The following NCOR1 variants were observed in gnomAD, a reference collection of about 807,000 sequenced individuals.
NCOR1 encodes the protein nuclear receptor corepressor 1, also known as protein phosphatase 1, regulatory subunit 109.
Under a neutral mutation model 288.1 loss-of-function variants are expected in NCOR1, and 63 were observed. The ratio of observed to expected loss-of-function variants is 0.22; its 90% CI spans 0.18 to 0.27. The LOEUF is 0.27. NCOR1 is among the 10% of genes least tolerant of loss of function. The pLI, the probability that NCOR1 is intolerant of heterozygous loss-of-function variation, is 1.00. For missense variants in NCOR1, 2,397 were observed against 3,019.2 expected (o/e 0.79, Z 4.83); for synonymous variants, 1,007 against 1,065.9 (o/e 0.94, Z 1.08).
intron 45 of NCOR1, among the ~76,000 whole-genome samples, chr17:16,032,712 A>T (rs1363112628): frequency 6.6e-6 from 1 of 152,244 alleles, no homozygotes; most frequent in Non-Finnish European, 1.5e-5. Flanking sequence ...TGAGTAGCAT[A>T]TGAGTGAGGG....
At chr17:16,140,547 C>CT (rs1243671958) in intron 11 of NCOR1, among the ~76,000 whole-genome samples, 75 of 152,128 alleles carry the variant, frequency 4.9e-4, no homozygotes, top group Admixed American at 4.7e-3. Context: ...GGTGGGGTGG[C>CT]TCACACCTGT....
At chr17:16,178,992 T>C (rs1468399444) in intron 3 of NCOR1, among the ~76,000 whole-genome samples, 1 of 151,938 alleles carries the variant, frequency 6.6e-6, no homozygotes, top group African/African-American at 2.4e-5. Flanking sequence ...CAGTTCCAGC[T>C]AATCGGAGGC....
intron 6 of NCOR1, among the ~76,000 whole-genome samples, chr17:16,155,500 C>T (rs1379829839): frequency 6.6e-6 from 1 of 152,024 alleles, no homozygotes; most frequent in Admixed American, 6.5e-5. Context: ...TTGGAACTTA[C>T]AACTGATAGG....
chr17:16,098,174 A>G (rs1466458940), intron 21 of NCOR1, among the ~76,000 whole-genome samples, 193 bp downstream of exon 21: 1 of 152,242 alleles, frequency 6.6e-6, no homozygotes, highest in Admixed American at 6.5e-5. Context: ...ATCATTTTCT[A>G]AACAATGTCA....
At chr17:16,059,920 A>G (rs2060362911) in intron 37 of NCOR1, among the ~76,000 whole-genome samples, 1 of 152,224 alleles carries the variant, frequency 6.6e-6, no homozygotes, top group South Asian at 2.1e-4. Flanking sequence ...TTGAGAAACT[A>G]AAATAAATCA....
At chr17:16,140,769 G>A (rs985944793) in intron 11 of NCOR1, among the ~76,000 whole-genome samples, 18 of 152,032 alleles carry the variant, frequency 1.2e-4, no homozygotes, top group Admixed American at 2.0e-4. Context: ...AGCCAAGATC[G>A]TGCCACTGCA....
chr17:16,127,743 GGA>G (rs1475082005), intron 14 of NCOR1, among the ~76,000 whole-genome samples: 1 of 103,618 alleles, frequency 9.7e-6, no homozygotes, highest in African/African-American at 3.5e-5. Flanking sequence ...ATATATGTGT[GGA>G]GATATATATA....
intron 6 of NCOR1, among the ~76,000 whole-genome samples, chr17:16,154,593 A>G (rs1475332403): frequency 6.6e-6 from 1 of 152,208 alleles, no homozygotes; most frequent in Non-Finnish European, 1.5e-5. Context: ...TAACAAGGGA[A>G]CATCCAAAAC....
chr17:16,198,958 G>A (rs12453413), intron 1 of NCOR1, among the ~76,000 whole-genome samples: 2 of 151,774 alleles, frequency 1.3e-5, no homozygotes, highest in African/African-American at 4.8e-5. Context: ...TAAATGATTA[G>A]AAACCCATGA....
intron 41 of NCOR1, among the ~76,000 whole-genome samples, chr17:16,048,291 G>A (rs542846851): frequency 1.5e-4 from 23 of 152,268 alleles, no homozygotes; most frequent in South Asian, 4.1e-4. Context: ...AGCTGAATGC[G>A]CAGCATACAC....
At chr17:16,116,304 G>A (rs1016156942) in intron 18 of NCOR1, among the ~76,000 whole-genome samples, 3 of 152,100 alleles carry the variant, frequency 2.0e-5, no homozygotes, top group African/African-American at 7.2e-5. Context: ...TCATGAAATG[G>A]CCATTTGGAA....
intron 6 of NCOR1, among the ~76,000 whole-genome samples, chr17:16,157,458 GTATTTATT>G (rs746366887): frequency 6.6e-5 from 10 of 152,112 alleles, no homozygotes; most frequent in East Asian, 5.8e-4. Flanking sequence ...CTATAAATGT[GTATTTATT>G]TATTTATTTA....
intron 21 of NCOR1, among the ~76,000 whole-genome samples, chr17:16,095,177 C>T (rs903391489): frequency 6.6e-5 from 10 of 151,610 alleles, no homozygotes; most frequent in African/African-American, 1.2e-4. Flanking sequence ...TCTGCCCGGC[C>T]GCCCATCGTC....
At chr17:16,166,498 G>A (rs1437603778) in intron 4 of NCOR1, among the ~76,000 whole-genome samples, 1 of 152,066 alleles carries the variant, frequency 6.6e-6, no homozygotes, top group Non-Finnish European at 1.5e-5. Flanking sequence ...AACCAACATG[G>A]TGAAACCCCG....
Position 16,068,091 on chromosome 17 carries a change from T to C in NCOR1, c.4544A>G (p.His1515Arg), listed in dbSNP as rs927011102. 3.7e-6 allele frequency: 6 copies of C among 1,613,476 alleles called. No homozygotes were observed. Among genetic ancestry groups the C allele is most frequent in the Non-Finnish European group, 5.1e-6 (6 of 1,179,646 alleles). Reference sequence around the variant, plus strand: ...AGGGGTCAGTGTCGATTTCCTTTCATGATTGGTAGACTTGTTAGAAGAAAT... The same window carrying C: ...AGGGGTCAGTGTCGATTTCCTTTCACGATTGGTAGACTTGTTAGAAGAAAT... ...VTISSNKSTNHERKSTLTPTQ... is the reference protein window; with the variant it reads ...VTISSNKSTNRERKSTLTPTQ... Residue 1515 changes from histidine to arginine, a missense_variant, in exon 32 of 46, where the codon CAT (histidine) becomes CGT (arginine). Physicochemically the swap from His to Arg is conservative, Grantham distance 29. Around this residue, in one of 11 missense-constraint regions of NCOR1, gnomAD observed 1,872 missense variants for 2,187.8 expected, o/e 0.86. Coordinates refer to ENST00000268712, the MANE Select transcript of NCOR1 (RefSeq NM_006311.4).
At chr17:16,067,750 G>C (rs1333863992) in intron 32 of NCOR1, 144 bp downstream of exon 32, 2 of 767,868 alleles carry the variant, frequency 2.6e-6, no homozygotes, top group Admixed American at 3.4e-5. Flanking sequence ...CTGGTAACAT[G>C]GGAGAATTTA....
At chr17:16,162,770 G>C (rs1266057945) in intron 5 of NCOR1, among the ~76,000 whole-genome samples, 1 of 152,120 alleles carries the variant, frequency 6.6e-6, no homozygotes, top group Non-Finnish European at 1.5e-5. Context: ...AATTCTAAGA[G>C]ATGTTCTTCA....
chr17:16,041,021 A>G (rs903803823), intron 42 of NCOR1: 5 of 154,546 alleles, frequency 3.2e-5, no homozygotes, highest in African/African-American at 7.2e-5. Context: ...GGACTCTGGG[A>G]TGACCGCCAC....
intron 15 of NCOR1, among the ~76,000 whole-genome samples, chr17:16,125,475 C>G (rs141356624): frequency 4.6e-5 from 7 of 152,184 alleles, no homozygotes; most frequent in African/African-American, 1.7e-4. Flanking sequence ...GAGGCCAAGG[C>G]AGATGGATCA....
Sources: allele counts gnomAD v4.1 joint callset (sites outside exome capture counted in the v4.1 genomes callset), GRCh38; gene constraint gnomAD v4.1.1; regional missense constraint gnomAD v4.1.1; transcripts MANE v1.5; gene names NCBI Gene and HGNC (gene_info 2026-07-23, HGNC 2026-07-21).